UBE2H: variants seen among roughly 807,000 people sequenced by gnomAD.
UBE2H encodes ubiquitin conjugating enzyme E2 H, also known as ubiquitin-conjugating enzyme E2 H.
A neutral mutation model predicts 29.0 loss-of-function variants in UBE2H; 3 were observed. That is an observed-to-expected ratio of 0.10 (90% CI 0.05 to 0.27). UBE2H has a LOEUF of 0.27. UBE2H is among the 10% of genes least tolerant of loss of function. The pLI is 1.00. For synonymous variants in UBE2H, 69 were observed against 82.9 expected, an observed-to-expected ratio of 0.83 and a Z score of 0.91; for missense variants, 68 against 228.2, an observed-to-expected ratio of 0.30 and a Z score of 4.52.
intron 3 of UBE2H, among the ~76,000 whole-genome samples, chr7:129,861,727 A>G (rs1431446340): frequency 1.3e-5 from 2 of 152,152 alleles, no homozygotes; most frequent in Non-Finnish European, 2.9e-5. Flanking sequence ...CCCCATCTGT[A>G]ACGAAAATAC....
intron 3 of UBE2H, among the ~76,000 whole-genome samples, chr7:129,860,273 A>C (rs925037570): frequency 2.0e-5 from 3 of 152,236 alleles, no homozygotes; most frequent in African/African-American, 7.2e-5. Context: ...TCTGTGTTGA[A>C]ACAGCATAAT....
chr7:129,850,713 G>C (rs751035697), intron 5 of UBE2H, among the ~76,000 whole-genome samples: 25 of 152,024 alleles, frequency 1.6e-4, no homozygotes, highest in Non-Finnish European at 2.8e-4. Context: ...TACTTGGGAG[G>C]CTGAGGCAGG....
intron 1 of UBE2H, among the ~76,000 whole-genome samples, chr7:129,923,130 G>T (rs2116474671): frequency 6.6e-6 from 1 of 152,102 alleles, no homozygotes; most frequent in African/African-American, 2.4e-5. Flanking sequence ...TCAATCTCCT[G>T]ACCTCGTGAT....
intron 1 of UBE2H, among the ~76,000 whole-genome samples, chr7:129,899,754 G>T (rs1031042842): frequency 6.6e-6 from 1 of 152,112 alleles, no homozygotes; most frequent in Non-Finnish European, 1.5e-5. Context: ...AGTCTGATAC[G>T]GCATCACTTA....
At chr7:129,841,378 G>C (rs1367404248) in intron 5 of UBE2H, among the ~76,000 whole-genome samples, 1 of 152,188 alleles carries the variant, frequency 6.6e-6, no homozygotes, top group East Asian at 1.9e-4. Flanking sequence ...AAGCTGAGCA[G>C]TTAGAGACTA....
intron 5 of UBE2H, among the ~76,000 whole-genome samples, chr7:129,842,129 ACATTT>A (rs1805439851): frequency 6.6e-6 from 1 of 152,226 alleles, no homozygotes; most frequent in Non-Finnish European, 1.5e-5. Flanking sequence ...ATTTCAAATG[ACATTT>A]CTTTTGCCTT....
chr7:129,839,803 A>G (rs56191413), intron 5 of UBE2H: 10,220 of 163,662 alleles, frequency 0.062, 391 homozygotes, highest in Non-Finnish European at 0.089. Context: ...CTCTGCCTCC[A>G]TGTTCAAGCG....
At chr7:129,837,956 T>C (rs1411905788) in intron 6 of UBE2H, among the ~76,000 whole-genome samples, 2 of 152,226 alleles carry the variant, frequency 1.3e-5, no homozygotes, top group African/African-American at 2.4e-5. Context: ...TACTGCTAAA[T>C]TGTTGAGACA....
At chr7:129,861,575 A>C (rs893723544) in intron 3 of UBE2H, among the ~76,000 whole-genome samples, 1 of 151,708 alleles carries the variant, frequency 6.6e-6, no homozygotes, top group African/African-American at 2.4e-5. Context: ...AGTTGAGCTT[A>C]AAAAAACTCC....
At chr7:129,848,291 A>G (rs1026490770) in intron 5 of UBE2H, among the ~76,000 whole-genome samples, 1 of 152,184 alleles carries the variant, frequency 6.6e-6, no homozygotes, top group Non-Finnish European at 1.5e-5. Flanking sequence ...TTATTTGCCA[A>G]TCAAAATTCT....
chr7:129,857,761 A>C (rs905366492), intron 4 of UBE2H, among the ~76,000 whole-genome samples, 198 bp from the exon 5 acceptor site: 1 of 152,184 alleles, frequency 6.6e-6, no homozygotes, highest in African/African-American at 2.4e-5. Context: ...AAAGGGGAAA[A>C]TAGTAACTAT....
At chr7:129,895,038 T>G (rs1214159873) in intron 1 of UBE2H, among the ~76,000 whole-genome samples, 1 of 152,212 alleles carries the variant, frequency 6.6e-6, no homozygotes, top group Non-Finnish European at 1.5e-5. Context: ...TTTGGAAAAC[T>G]TTTAGAAGGT....
intron 5 of UBE2H, among the ~76,000 whole-genome samples, chr7:129,855,560 T>C (rs1408900580): frequency 1.3e-5 from 2 of 152,230 alleles, no homozygotes; most frequent in East Asian, 1.9e-4. Flanking sequence ...AATTCACTCA[T>C]TAAGACAACA....
chr7:129,868,581 C>A (rs1377160378), intron 3 of UBE2H, among the ~76,000 whole-genome samples: 1 of 97,686 alleles, frequency 1.0e-5, no homozygotes, highest in Non-Finnish European at 2.1e-5. Context: ...AGCGAGACTC[C>A]GTCTCAAAAA....
At chr7:129,863,490 A>G (rs1180881159) in intron 3 of UBE2H, among the ~76,000 whole-genome samples, 2 of 152,234 alleles carry the variant, frequency 1.3e-5, no homozygotes, top group Non-Finnish European at 2.9e-5. Context: ...AGGCCCTATC[A>G]GCTCTAAAAA....
At chr7:129,888,681 G>T (rs574004138) in intron 1 of UBE2H, among the ~76,000 whole-genome samples, 1 of 152,170 alleles carries the variant, frequency 6.6e-6, no homozygotes, top group East Asian at 1.9e-4. Context: ...CACCATATTG[G>T]CCAGGCTGGT....
chr7:129,845,203 T>C (rs895344328), intron 5 of UBE2H, among the ~76,000 whole-genome samples: 4 of 152,224 alleles, frequency 2.6e-5, no homozygotes, highest in Admixed American at 6.5e-5. Context: ...TAGGTCCTGC[T>C]TGTCCATCAC....
chr7:129,914,941 C>G (rs767147238), intron 1 of UBE2H, among the ~76,000 whole-genome samples: 2 of 152,156 alleles, frequency 1.3e-5, no homozygotes, highest in South Asian at 2.1e-4. Context: ...TGCTAAAAAA[C>G]ACAATGTCCG....
chr7:129,916,698 A>T (rs1458910663), intron 1 of UBE2H, among the ~76,000 whole-genome samples: 1 of 152,128 alleles, frequency 6.6e-6, no homozygotes, highest in Non-Finnish European at 1.5e-5. Flanking sequence ...CACTAGCCTA[A>T]ACACACTCTA....
Sources: gnomAD v4.1 joint callset for allele counts (sites outside exome capture counted in the v4.1 genomes callset) on GRCh38, gnomAD v4.1.1 for gene constraint, MANE v1.5 for transcripts, NCBI Gene and HGNC (gene_info 2026-07-23, HGNC 2026-07-21) for gene names.